GSTA1: variants seen among roughly 807,000 people sequenced by gnomAD.
The protein encoded by GSTA1 is glutathione S-transferase A1.
In GSTA1, 23 loss-of-function variants were observed where a neutral mutation model predicts 21.5. The observed-to-expected ratio is 1.07, with a 90% CI of 0.77 to 1.52. The LOEUF is 1.52. Among genes scored for constraint, GSTA1 ranks in the 40% most tolerant of loss-of-function variants. The probability of loss-of-function intolerance (pLI) is 0.00; values close to 1 mark genes in which losing one functional copy is unlikely to be tolerated. For missense variants in GSTA1, 301 were observed against 264.2 expected (o/e 1.14, Z -0.96); for synonymous variants, 125 against 90.0 (o/e 1.39, Z -2.20).
At chr6:52,798,778 G>A (rs988237528) in intron 2 of GSTA1, among the ~76,000 whole-genome samples, 10 of 149,480 alleles carry the variant, frequency 6.7e-5, no homozygotes, top group Non-Finnish European at 1.5e-4. Flanking sequence ...ATACTTCAAT[G>A]TGTTTTCCTA....
chr6:52,792,027 C>A (rs769412093), intron 6 of GSTA1, 47 bp from the exon 7 acceptor site: 1 of 1,610,388 alleles, frequency 6.2e-7, no homozygotes. Flanking sequence ...AGGGCTGACA[C>A]CACCATTAAC....
At chr6:52,794,823 A>T (rs941496074) in intron 4 of GSTA1, among the ~76,000 whole-genome samples, 1 of 152,144 alleles carries the variant, frequency 6.6e-6, no homozygotes, top group African/African-American at 2.4e-5. Flanking sequence ...AACTCTAGCC[A>T]TGTGTGCCTT....
chr6:52,803,118 T>A (rs111306186), intron 1 of GSTA1, among the ~76,000 whole-genome samples: 1 of 152,008 alleles, frequency 6.6e-6, no homozygotes, highest in South Asian at 2.1e-4. Context: ...ACAAATCAGA[T>A]AGGTAGAGGC....
At chr6:52,793,698 A>G (rs1249099765) in intron 5 of GSTA1, among the ~76,000 whole-genome samples, 1 of 152,192 alleles carries the variant, frequency 6.6e-6, no homozygotes, top group Non-Finnish European at 1.5e-5. Flanking sequence ...CTGAAACGCT[A>G]CAGTATTCTC....
chr6:52,797,636 A>G lies in GSTA1; in HGVS notation c.89T>C (p.Phe30Ser), dbSNP rs1256058207. The change falls in exon 3 of 7, where the codon TTT (phenylalanine) becomes TCT (serine). Residue 30 changes from phenylalanine to serine, a missense_variant and splice_region_variant. Physicochemically the swap from Phe to Ser is radical, Grantham distance 155. Transcript: ENST00000334575. Reference protein sequence around the residue: ...RWLLAAAGVEFEEKFIKSAED... With the variant: ...RWLLAAAGVESEEKFIKSAED... Reference sequence around the variant, plus strand: ...TGCAGATTTTATAAATTTCTCTTCAAACTGGAAGCAGAAACAGTAAATACG... The same window carrying G: ...TGCAGATTTTATAAATTTCTCTTCAGACTGGAAGCAGAAACAGTAAATACG... The G allele has an allele frequency of 6.2e-7, 1 of 1,605,026 alleles. No individual in the cohort carries two copies. Among genetic ancestry groups the G allele is most frequent in the Non-Finnish European group, 8.5e-7 (1 of 1,172,398 alleles).
intron 6 of GSTA1, among the ~76,000 whole-genome samples, chr6:52,792,188 GTTTTAA>G (rs1485150949): frequency 1.3e-5 from 2 of 152,176 alleles, no homozygotes. Context: ...ATGTCTTGAA[GTTTTAA>G]TCAGTTCAGT....
intron 1 of GSTA1, among the ~76,000 whole-genome samples, chr6:52,802,248 TC>T (rs1311936888): frequency 4.6e-5 from 7 of 152,130 alleles, no homozygotes; most frequent in Non-Finnish European, 1.0e-4. Context: ...CTCTCATAAT[TC>T]CAGGAGTAAA....
rs1763619532 is a variant in GSTA1 at position 52,797,566 on chromosome 6, A to G, written c.139+20T>C. ...TTCTACTAGATACCCTCATCAGAGGAACTTAGAGATTGATCTTACCATTTC... is the reference window on the plus strand; with the variant it reads ...TTCTACTAGATACCCTCATCAGAGGGACTTAGAGATTGATCTTACCATTTC... On this transcript the variant is annotated intron_variant, in intron 3 of 6. Coordinates refer to ENST00000334575, the MANE Select transcript of GSTA1 (RefSeq NM_145740.5). 6.3e-7 allele frequency: 1 copy of G among 1,593,438 alleles called. No homozygotes were observed. The highest frequency in any genetic ancestry group is 8.6e-7 in the Non-Finnish European group (1 of 1,161,954).
At chr6:52,795,907 T>A (rs1763564190) in intron 4 of GSTA1, among the ~76,000 whole-genome samples, 1 of 152,138 alleles carries the variant, frequency 6.6e-6, no homozygotes, top group African/African-American at 2.4e-5. Flanking sequence ...TGATTCCCCA[T>A]CCTCCTCAGT....
At chr6:52,794,300 C>A (rs770052979) in intron 4 of GSTA1, 34 bp from the exon 5 acceptor site, 1 of 1,589,978 alleles carries the variant, frequency 6.3e-7, no homozygotes, top group South Asian at 1.1e-5. Context: ...GGTCAAATAC[C>A]TTTTGCCTTA....
At chr6:52,802,992 G>A (rs980978936) in intron 1 of GSTA1, among the ~76,000 whole-genome samples, 1 of 152,116 alleles carries the variant, frequency 6.6e-6, no homozygotes, top group Non-Finnish European at 1.5e-5. Context: ...GCCCCATGAG[G>A]TCATGTAGTC....
chr6:52,793,630 T>C (rs1763509887), intron 5 of GSTA1, among the ~76,000 whole-genome samples: 1 of 152,168 alleles, frequency 6.6e-6, no homozygotes, highest in Non-Finnish European at 1.5e-5. Context: ...CTAAAATCCA[T>C]TTTAAAAAAT....
intron 1 of GSTA1, among the ~76,000 whole-genome samples, chr6:52,801,823 A>T (rs904747771): frequency 3.9e-5 from 6 of 152,158 alleles, no homozygotes; most frequent in Non-Finnish European, 7.4e-5. Context: ...CCTATTATCC[A>T]AATTAAAGAT....
chr6:52,793,038 A>C (rs775740591), intron 5 of GSTA1, 51 bp from the exon 6 acceptor site: 1 of 1,612,464 alleles, frequency 6.2e-7, no homozygotes, highest in Non-Finnish European at 8.5e-7. Context: ...CCAGGCTAGG[A>C]CCCCTGCTTC....
At chr6:52,800,293 G>A (rs566227416) in intron 1 of GSTA1, among the ~76,000 whole-genome samples, 9 of 152,252 alleles carry the variant, frequency 5.9e-5, no homozygotes, top group African/African-American at 4.8e-5. Flanking sequence ...ATGATGGATC[G>A]GGATGCAGAC....
intron 4 of GSTA1, among the ~76,000 whole-genome samples, chr6:52,795,769 G>C (rs970482086): frequency 6.6e-6 from 1 of 152,060 alleles, no homozygotes; most frequent in Admixed American, 6.5e-5. Flanking sequence ...GAATTACTGG[G>C]ACCTTAGCTT....
intron 1 of GSTA1, among the ~76,000 whole-genome samples, chr6:52,800,710 G>A (rs1269878608): frequency 2.0e-5 from 3 of 152,034 alleles, no homozygotes; most frequent in African/African-American, 7.2e-5. Flanking sequence ...TGAATGGAAG[G>A]GCACAGGACT....
intron 1 of GSTA1, among the ~76,000 whole-genome samples, chr6:52,803,103 G>A (rs1040815797): frequency 6.6e-6 from 1 of 152,044 alleles, no homozygotes; most frequent in African/African-American, 2.4e-5. Context: ...GAGGGAAAGG[G>A]GGTTACAAAT....
chr6:52,802,761 TC>T (rs1763747119), intron 1 of GSTA1, among the ~76,000 whole-genome samples: 1 of 152,210 alleles, frequency 6.6e-6, no homozygotes, highest in Non-Finnish European at 1.5e-5. Flanking sequence ...TTTCTCTGGT[TC>T]TCTATATTTT....
Sources: gnomAD v4.1 joint callset for allele counts (sites outside exome capture counted in the v4.1 genomes callset) on GRCh38, gnomAD v4.1.1 for gene constraint, MANE v1.5 for transcripts, NCBI Gene and HGNC (gene_info 2026-07-23, HGNC 2026-07-21) for gene names.